Variants in VWF observed in about 807,000 individuals in gnomAD.
VWF encodes the protein Factor VIII related antigen.
Under a neutral mutation model 308.6 loss-of-function variants are expected in VWF, and 176 were observed. The ratio of observed to expected loss-of-function variants is 0.57; its 90% CI spans 0.50 to 0.65. The LOEUF is 0.65. Among genes scored for constraint, VWF ranks in the 30% least tolerant of loss-of-function variants. The pLI, the probability that VWF is intolerant of heterozygous loss-of-function variation, is 0.00. For missense variants in VWF, 3,146 were observed against 3,648.2 expected (o/e 0.86, Z 3.55); for synonymous variants, 1,385 against 1,443.4 (o/e 0.96, Z 0.92).
intron 18 of VWF, among the ~76,000 whole-genome samples, chr12:6,041,152 G>A (rs1004324792): frequency 2.6e-5 from 4 of 152,092 alleles, no homozygotes; most frequent in South Asian, 2.1e-4. Context: ...TTTTAAGGCC[G>A]GGCATGGTGG....
At position 5,969,350 on chromosome 12, in the gene VWF, G is replaced by T. The variant is rs369878547; in HGVS notation, c.7590C>A (p.Ile2530=). 5.6e-6 allele frequency: 9 copies of T among 1,614,246 alleles called. No individual in the cohort carries two copies. In the South Asian group the frequency reaches 8.8e-5, roughly 16 times the overall value. Residue 2530 remains isoleucine, a synonymous_variant, in exon 45 of 52, where the codon ATC becomes ATA. Coordinates refer to ENST00000261405, the MANE Select transcript of VWF (RefSeq NM_000552.5). ...QWASPENPCL[I]NECVRVKEEV... ...CCTCCTTCACTCGGACACACTCATT[G>T]ATGAGGCAGGGGTTCTCCGGGGAGG... is the stretch of plus-strand genomic sequence containing the variant.
At chr12:6,076,069 AT>A (rs112980082) in intron 6 of VWF, among the ~76,000 whole-genome samples, 2,806 of 146,526 alleles carry the variant, frequency 0.019, 41 homozygotes, top group South Asian at 0.067. Flanking sequence ...GATCAGCAAG[AT>A]TTTTTTTTTT....
intron 3 of VWF, among the ~76,000 whole-genome samples, chr12:6,119,619 G>A (rs973334466): frequency 5.3e-5 from 8 of 152,206 alleles, no homozygotes; most frequent in Non-Finnish European, 1.2e-4. Flanking sequence ...GCTGAGGCGG[G>A]TGGATCACCT....
At chr12:5,979,528 G>A (rs1943570377) in intron 42 of VWF, among the ~76,000 whole-genome samples, 2 of 152,122 alleles carry the variant, frequency 1.3e-5, no homozygotes, top group Admixed American at 1.3e-4. Flanking sequence ...GAGGCGGGTG[G>A]ATCACAAGGT....
Position 5,983,143 on chromosome 12 carries a change from G to C in VWF, c.7081+7C>G, listed in dbSNP as rs1477159290. ...ACACCACCCCTCCTCATCCACAGAG[G>C]CCTTACCGCAGGTGAAGTTGGGTCT... On this transcript the variant is annotated splice_region_variant and intron_variant, in intron 41 of 51. Coordinates refer to ENST00000261405, the MANE Select transcript of VWF (RefSeq NM_000552.5). 3 of 1,612,762 alleles carry C rather than the reference G, an allele frequency of 1.9e-6. No individual in the cohort carries two copies. In the African/African-American group the frequency reaches 4.0e-5, roughly 22 times the overall value.
intron 42 of VWF, among the ~76,000 whole-genome samples, chr12:5,977,111 C>T (rs1003806223): frequency 1.3e-5 from 2 of 152,102 alleles, no homozygotes; most frequent in African/African-American, 4.8e-5. Context: ...GAATGAGACC[C>T]CTTGTTCTAT....
At chr12:6,022,224 T>C (rs1299625553) in intron 26 of VWF, among the ~76,000 whole-genome samples, 189 bp from the exon 27 acceptor site, 4 of 151,948 alleles carry the variant, frequency 2.6e-5, no homozygotes, top group African/African-American at 9.7e-5. Flanking sequence ...TTGATCCCTC[T>C]GCAAAACTGG....
chr12:6,092,616 A>AGTGAGAGAGAGAGAGAGAGTGTGTGT (rs796249343), intron 6 of VWF, among the ~76,000 whole-genome samples: 1 of 96,622 alleles, frequency 1.0e-5, no homozygotes, highest in Non-Finnish European at 2.1e-5. Flanking sequence ...TGAGTGAGTG[A>AGTGAGAGAGAGAGAGAGAGTGTGTGT]GAGTGTGTGT....
At chr12:6,035,159 A>G (rs11614545) in intron 19 of VWF, among the ~76,000 whole-genome samples, 37,347 of 152,164 alleles carry the variant, frequency 0.25, 4,861 homozygotes, top group African/African-American at 0.3. Flanking sequence ...CCTCACCCTG[A>G]AAGCCACATC....
At chr12:6,049,812 C>T (rs1285865000) in intron 16 of VWF, among the ~76,000 whole-genome samples, 1 of 152,242 alleles carries the variant, frequency 6.6e-6, no homozygotes, top group African/African-American at 2.4e-5. Context: ...GAGGTCCTTA[C>T]TCCCTTCTGC....
At chr12:6,083,147 T>C (rs748672018) in intron 6 of VWF, among the ~76,000 whole-genome samples, 4 of 152,202 alleles carry the variant, frequency 2.6e-5, no homozygotes, top group Non-Finnish European at 5.9e-5. Context: ...AAAATGATCT[T>C]GGCCAAGTGC....
intron 47 of VWF, among the ~76,000 whole-genome samples, chr12:5,964,326 G>A (rs981394050): frequency 7.3e-6 from 1 of 136,776 alleles, no homozygotes; most frequent in African/African-American, 2.8e-5. Flanking sequence ...ACCATCTACT[G>A]TCTCATCATT....
rs765691813 is a variant in VWF at position 6,046,754 on chromosome 12, G to A, written c.2250C>T (p.Asp750=). The A allele has an allele frequency of 3.4e-5, 55 of 1,614,064 alleles. No individual in the cohort carries two copies. The highest frequency in any genetic ancestry group is 4.3e-5 in the Non-Finnish European group (51 of 1,180,044). Residue 750 remains aspartate, a synonymous_variant, in exon 17 of 52, where the codon GAC becomes GAT. Transcript: ENST00000261405. The surrounding 1 kb of genome is among the most constrained non-coding windows in gnomAD (Gnocchi z 5.0). The part of the protein sequence containing the change: ...MSGVPGSLLP[D]AVLSSPLSHR... ...GAGACAGGGGACTGCTGAGGACAGC[G>A]TCAGGCAGCAAGCTTCCGGGGACTC...
At chr12:6,039,787 G>A (rs933721524) in intron 18 of VWF, among the ~76,000 whole-genome samples, 2 of 152,106 alleles carry the variant, frequency 1.3e-5, no homozygotes, top group African/African-American at 4.8e-5. Flanking sequence ...TTAAGAAGTG[G>A]TGCCCAACTC....
At chr12:6,113,718 GA>G (rs962669877) in intron 3 of VWF, among the ~76,000 whole-genome samples, 4 of 152,132 alleles carry the variant, frequency 2.6e-5, no homozygotes, top group Non-Finnish European at 4.4e-5. Flanking sequence ...AGAAAATGTC[GA>G]AAAACCAAAC....
At chr12:6,047,848 T>A (rs755740760) in intron 16 of VWF, among the ~76,000 whole-genome samples, 6 of 152,194 alleles carry the variant, frequency 3.9e-5, no homozygotes, top group Non-Finnish European at 7.4e-5. Flanking sequence ...ACATAGGTTG[T>A]CACCTGCTCC....
intron 47 of VWF, among the ~76,000 whole-genome samples, chr12:5,966,290 C>CAT (rs397807790): frequency 1.3e-5 from 2 of 151,820 alleles, no homozygotes; most frequent in Middle Eastern, 3.2e-3. Context: ...CACACACACA[C>CAT]GCACACACAC....
chr12:5,964,310 C>T (rs1320123896), intron 47 of VWF, among the ~76,000 whole-genome samples: 1 of 122,830 alleles, frequency 8.1e-6, no homozygotes, highest in African/African-American at 3.4e-5. Flanking sequence ...AAAAAGCTAC[C>T]AAGCTACCAT....
At chr12:6,121,060 A>T (rs372184021) in intron 3 of VWF, 114 bp downstream of exon 3, 11 of 1,434,156 alleles carry the variant, frequency 7.7e-6, no homozygotes, top group Admixed American at 5.4e-5. Context: ...CCTTGTTCTC[A>T]GCAGTGACCT....
Sources: gnomAD v4.1 joint callset for allele counts (sites outside exome capture counted in the v4.1 genomes callset) on GRCh38, gnomAD v4.1.1 for gene constraint, Gnocchi (gnomAD v3.1) non-coding constraint, MANE v1.5 for transcripts, NCBI Gene and HGNC (gene_info 2026-07-23, HGNC 2026-07-21) for gene names.